Variants in ASCC2 observed in about 807,000 individuals in gnomAD.
ASCC2 encodes activating signal cointegrator 1 complex subunit 2, also known as ASC-1 complex subunit P100.
In ASCC2, 42 loss-of-function variants were observed where a neutral mutation model predicts 93.5. That is an observed-to-expected ratio of 0.45 (90% confidence interval 0.35 to 0.58). ASCC2 has a LOEUF of 0.58. Ranked by LOEUF, ASCC2 falls within the 20% of genes least tolerant of loss-of-function variation. ASCC2 has a pLI of 0.00. For synonymous variants in ASCC2, 364 were observed against 384.2 expected (o/e 0.95, Z 0.62); for missense variants, 859 against 977.6 (o/e 0.88, Z 1.62).
chr22:29,808,563 G>A (rs1310918632), intron 8 of ASCC2, among the ~76,000 whole-genome samples: 2 of 152,178 alleles, frequency 1.3e-5, no homozygotes, highest in East Asian at 3.9e-4. Context: ...GCTCATGCCT[G>A]TAATCCCAGC....
chr22:29,790,638 G>A (rs1030609933), intron 18 of ASCC2, 90 bp from the exon 19 acceptor site: 7 of 1,331,294 alleles, frequency 5.3e-6, no homozygotes, highest in Non-Finnish European at 5.4e-6. Flanking sequence ...GAAGCTTGTC[G>A]ATGCCTCCAT....
chr22:29,795,143 T>C (rs943085795), intron 15 of ASCC2, among the ~76,000 whole-genome samples: 1 of 152,030 alleles, frequency 6.6e-6, no homozygotes, highest in African/African-American at 2.4e-5. Context: ...GTCAGGCTGG[T>C]CTGGAACTCC....
chr22:29,827,670 T>C (rs898253832), intron 2 of ASCC2: 4 of 463,412 alleles, frequency 8.6e-6, no homozygotes, highest in East Asian at 7.0e-5. Context: ...ATACATCTCC[T>C]TGGTTTCCAA....
intron 1 of ASCC2, chr22:29,833,424 G>A: frequency 2.9e-6 from 1 of 348,556 alleles, no homozygotes; most frequent in Non-Finnish European, 5.6e-6. Flanking sequence ...ATGAGAAGAA[G>A]GGAAGAAGGA....
chr22:29,800,160 G>A lies in ASCC2; in HGVS notation c.1688+831C>T, dbSNP rs150923092. Among the ~76,000 whole-genome samples, 507 of 152,160 alleles carry A rather than the reference G, an allele frequency of 3.3e-3. 3 individuals carry two copies. Among genetic ancestry groups the A allele is most frequent in the African/African-American group, 0.012 (488 of 41,512 alleles). On this transcript the variant is annotated intron_variant, in intron 15 of 19. Coordinates refer to ENST00000307790, the MANE Select transcript of ASCC2 (RefSeq NM_032204.5). ...CCTTTGCTGTGCTCACTATGGCCTC[G>A]GGACCACTGTCCCTGTTGCTCTGCT...
intron 1 of ASCC2, chr22:29,836,546 T>C (rs1568969709): frequency 6.6e-6 from 1 of 152,054 alleles, no homozygotes; most frequent in East Asian, 1.9e-4. Flanking sequence ...GAGCAAACAG[T>C]ACGTTAATCA....
intron 15 of ASCC2, among the ~76,000 whole-genome samples, chr22:29,796,414 G>A (rs2058448540): frequency 6.6e-6 from 1 of 152,172 alleles, no homozygotes. Flanking sequence ...GGAGATGACA[G>A]ACCAGTCAAC....
rs190422673 is a variant in ASCC2 at position 29,804,632 on chromosome 22, A to G, written c.1353+6T>C. 210 of 1,613,316 alleles carry G rather than the reference A, an allele frequency of 1.3e-4. 1 individual carries two copies. In the East Asian group the frequency reaches 4.6e-3, roughly 36 times the overall value. On this transcript the variant is annotated splice_donor_region_variant and intron_variant, in intron 13 of 19. Coordinates refer to ENST00000307790, the MANE Select transcript of ASCC2 (RefSeq NM_032204.5). ...GAAGAGGGAAAAGCGCCACTCAGAC[A>G]CATACCTCCTCTTCCTCCGAGTTCT...
rs763118956 is a variant in ASCC2, at chr22:29,825,672, T to C, written c.190A>G (p.Asn64Asp). The stretch of plus-strand genomic sequence containing the variant: ...AAGGCCAGGAGCCAGTCGAGGTCAT[T>C]GGCTACGAAGGTGGCGCGTTCCAGG... Reference protein sequence around the residue: ...EYLERATFVANDLDWLLALPH... With the variant: ...EYLERATFVADDLDWLLALPH... The change falls in exon 3 of 20, where the codon AAT becomes GAT. Residue 64 changes from asparagine (N) to aspartate (D), a missense_variant. By Grantham distance (23) the Asn-to-Asp change is conservative. Coordinates refer to ENST00000307790, the MANE Select transcript of ASCC2 (RefSeq NM_032204.5). This position sits in a 1 kb window ranked among gnomAD's most constrained non-coding sequence, Gnocchi z 4.9. 6.2e-7 allele frequency: 1 copy of C among 1,614,218 alleles called. No individual in the cohort carries two copies. Among genetic ancestry groups the C allele is most frequent in the Admixed American group, 1.7e-5 (1 of 60,022 alleles).
intron 2 of ASCC2, among the ~76,000 whole-genome samples, chr22:29,828,287 T>C (rs2062706540): frequency 6.6e-6 from 1 of 152,160 alleles, no homozygotes; most frequent in African/African-American, 2.4e-5. Context: ...TGGTGAATGC[T>C]GGAATGGTGC....
At position 29,813,514 on chromosome 22, in the gene ASCC2, C is replaced by T; in HGVS notation, c.749G>A (p.Cys250Tyr). ...LELKDIVLYL[C>Y]DTCTTLWAFL... is the part of the protein sequence containing the mutation. ...GGCCCAAAGTGTGGTGCAGGTATCA[C>T]AAAGGTAGAGAACAATGTCCTTTAA... The change falls in exon 8 of 20, where the codon TGT becomes TAT. Residue 250 changes from cysteine (C) to tyrosine (Y), a missense_variant. Cys to Tyr is a radical substitution (Grantham distance 194). Coordinates refer to ENST00000307790, the MANE Select transcript of ASCC2 (RefSeq NM_032204.5). 6.2e-7 allele frequency: 1 copy of T among 1,613,926 alleles called. No individual in the cohort carries two copies.
chr22:29,834,658 C>G (rs2063554239), intron 1 of ASCC2: 1 of 425,490 alleles, frequency 2.4e-6, no homozygotes, highest in Admixed American at 2.7e-5. Context: ...TATTTCTAAT[C>G]AAGTTACTGT....
intron 5 of ASCC2, among the ~76,000 whole-genome samples, chr22:29,818,810 A>G (rs138571467): frequency 5.3e-5 from 8 of 152,092 alleles, no homozygotes; most frequent in South Asian, 4.2e-4. Flanking sequence ...CTCTACCCAA[A>G]GCTTCCTCTC....
In ASCC2 at chr22:29,838,203, TGCCGCCGCCGCC is replaced by T. The variant is rs3838960; in HGVS notation, c.-55_-44del. The T allele has an allele frequency of 2.5e-4, 117 of 459,156 alleles. 1 individual carries two copies. The highest frequency in any genetic ancestry group is 1.5e-3 in the Middle Eastern group (3 of 1,952). 28.4% of individuals were successfully genotyped at this position (459,156 alleles called of 1,614,324 possible). A position where few individuals can be genotyped will look rare whatever the true frequency, so the allele number is the denominator to read the frequency against. ...CTCGGCGGCTCCACCACCGGCTCTG[TGCCGCCGCCGCC>T]GCCGCCGCCGCCGACCACGGTGACA... is the stretch of plus-strand genomic sequence containing the variant. On this transcript the variant is annotated 5_prime_UTR_variant, in exon 1 of 20. Transcript: ENST00000307790.
rs5844871 is a variant in ASCC2 at position 29,827,856 on chromosome 22, G to GACAC, written c.82-2080_82-2077dup. 1.4e-3 allele frequency among the ~76,000 whole-genome samples: 59 copies of GACAC among 43,162 alleles called. 12 individuals are homozygous for GACAC. The highest frequency in any genetic ancestry group is 3.0e-3 in the East Asian group (4 of 1,346). The allele number at this position is 43,162 out of a possible 152,430, so 28.3% of individuals were successfully genotyped here. ...ATACACCCAGACTACTCATTCTCCTGACACACACACACACACACACACACC... is the reference window on the plus strand; with the variant it reads ...ATACACCCAGACTACTCATTCTCCTGACACACACACACACACACACACACACACC... On this transcript the variant is annotated intron_variant, in intron 2 of 19. Coordinates refer to ENST00000307790, the MANE Select transcript of ASCC2 (RefSeq NM_032204.5).
rs1480820669 is a variant in ASCC2, at chr22:29,806,842, TG to T, written c.970del (p.His324ThrfsTer4). On this transcript the variant is annotated frameshift_variant, in exon 10 of 20. Coordinates refer to ENST00000307790, the MANE Select transcript of ASCC2 (RefSeq NM_032204.5). LOFTEE classifies it high-confidence loss of function. ...HSRKKLMEIF[H>X]IILNQICLLP... ...GAGGCAGATCTGGTTCAGGATGATG[TG>T]GAAAATCTCCATTAGCTTCTTCCTG... 1.2e-6 allele frequency: 2 copies of T among 1,614,010 alleles called. No homozygotes were observed. The highest frequency in any genetic ancestry group is 2.2e-5 in the South Asian group (2 of 91,072).
Position 29,813,432 on chromosome 22 carries a change from G to A in ASCC2, c.831C>T (p.Tyr277=). ...CQTFQKHDFC[Y]RLASFYEAAI... ...AACAGCCAGAACTACCGCCTTACCT[G>A]TAACAAAAGTCGTGCTTCTGGAAGG... The change falls in exon 8 of 20, where the codon TAC becomes TAT. Residue 277 remains tyrosine (Y), a splice_region_variant and synonymous_variant. Transcript: ENST00000307790. The A allele has an allele frequency of 6.2e-7, 1 of 1,604,064 alleles. No homozygotes were observed. The highest frequency in any genetic ancestry group is 8.5e-7 in the Non-Finnish European group (1 of 1,170,776).
chr22:29,795,647 C>T (rs1471967976), intron 15 of ASCC2, among the ~76,000 whole-genome samples: 2 of 152,218 alleles, frequency 1.3e-5, no homozygotes, highest in African/African-American at 4.8e-5. Flanking sequence ...GGAAGCCCAA[C>T]TCTGGTCACG....
intron 1 of ASCC2, chr22:29,834,338 C>A (rs1051288550): frequency 5.5e-6 from 2 of 364,508 alleles, no homozygotes; most frequent in African/African-American, 4.3e-5. Context: ...AAGAAGGGTG[C>A]CCCAGGCAGA....
Sources: gnomAD v4.1 joint callset for allele counts (sites outside exome capture counted in the v4.1 genomes callset) on GRCh38, gnomAD v4.1.1 for gene constraint, Gnocchi (gnomAD v3.1) non-coding constraint, MANE v1.5 for transcripts, NCBI Gene and HGNC (gene_info 2026-07-23, HGNC 2026-07-21) for gene names.